HELQ: variants seen among roughly 807,000 people sequenced by gnomAD.
HELQ encodes the protein helicase POLQ-like.
A neutral mutation model predicts 111.6 loss-of-function variants in HELQ; 77 were observed. That is an observed-to-expected ratio of 0.69 (90% CI 0.57 to 0.83). The LOEUF (loss-of-function observed/expected upper bound fraction) is 0.83. Among genes scored for constraint, HELQ ranks in the 40% least tolerant of loss-of-function variants. HELQ has a pLI of 0.00. For synonymous variants in HELQ, 438 were observed against 454.7 expected, an observed-to-expected ratio of 0.96 and a Z score of 0.47; for missense variants, 1,200 against 1,288.5, an observed-to-expected ratio of 0.93 and a Z score of 1.05.
rs770278187 is a variant in HELQ at position 83,453,510 on chromosome 4, G to T, written c.733C>A (p.Gln245Lys). ...LPHNCIEQPQ[Q>K]NDESSSKVRT... ...ACTTTGGAAGAGGACTCATCATTTT[G>T]CTGGGGTTGCTCTATGCAATTATGG... Residue 245 changes from glutamine (Q) to lysine (K), a missense_variant, in exon 2 of 18, where the codon CAA becomes AAA. This residue lies in a region of HELQ where 610 missense variants were observed against 607.1 expected (regional missense o/e 1.00). Coordinates refer to ENST00000295488, the MANE Select transcript of HELQ (RefSeq NM_133636.5). 4 of 1,613,668 alleles carry T rather than the reference G, an allele frequency of 2.5e-6. No homozygotes were observed. The highest frequency in any genetic ancestry group is 4.5e-5 in the East Asian group (2 of 44,876).
chr4:83,441,885 T>A (rs1344457593), intron 6 of HELQ, among the ~76,000 whole-genome samples: 1 of 149,808 alleles, frequency 6.7e-6, no homozygotes, highest in African/African-American at 2.4e-5. Context: ...GCTATCCTCC[T>A]ACCTCAGCCT....
In HELQ at chr4:83,416,818, G is replaced by C. The variant is rs981024095; in HGVS notation, c.3111C>G (p.His1037Gln). 2.5e-6 allele frequency: 4 copies of C among 1,613,692 alleles called. No homozygotes were observed. Among genetic ancestry groups the C allele is most frequent in the Non-Finnish European group, 2.5e-6 (3 of 1,179,688 alleles). The change falls in exon 17 of 18, where the codon CAC (histidine) becomes CAG (glutamine). Residue 1037 changes from histidine (H) to glutamine (Q), a missense_variant. His to Gln is a conservative substitution (Grantham distance 24, BLOSUM62 0). Coordinates refer to ENST00000295488, the MANE Select transcript of HELQ (RefSeq NM_133636.5). ...GCACTTCAGGATTTGCATTAGCTAA[G>C]TGCATTAGACTTTTGTAACCTGCAC... The part of the protein sequence containing the change: ...LYSAGYKSLM[H>Q]LANANPEVLV...
intron 17 of HELQ, among the ~76,000 whole-genome samples, chr4:83,414,333 T>A (rs1739254756): frequency 6.6e-6 from 1 of 152,110 alleles, no homozygotes; most frequent in Non-Finnish European, 1.5e-5. Flanking sequence ...CAGCATCCAG[T>A]GGCAATGAAG....
Position 83,425,994 on chromosome 4 carries a change from C to T in HELQ, c.2775G>A (p.Lys925=). 1 of 1,550,132 alleles carries T rather than the reference C, an allele frequency of 6.5e-7. No homozygotes were observed. Among genetic ancestry groups the T allele is most frequent in the Non-Finnish European group, 8.9e-7 (1 of 1,125,946 alleles). Residue 925 remains lysine, a splice_region_variant and synonymous_variant, in exon 14 of 18, where the codon AAG becomes AAA. Transcript: ENST00000295488. ...GKKASGQAIG[K]KVDKNVVNRL... ...TAGGAAGAAAAAAAGAATGTGGTAC[C>T]TTTCCGATGGCTTGGCCTGATGCTT...
chr4:83,418,035 A>G, intron 16 of HELQ, 58 bp downstream of exon 16: 1 of 896,998 alleles, frequency 1.1e-6, no homozygotes, highest in Non-Finnish European at 1.7e-6. Flanking sequence ...AAATAATAAA[A>G]CCTGGCTTCT....
In HELQ at chr4:83,425,986, T is replaced by C. The variant is rs779843756; in HGVS notation, c.2775+8A>G. ...TTATTATTTAGGAAGAAAAAAAGAA[T>C]GTGGTACCTTTCCGATGGCTTGGCC... On this transcript the variant is annotated splice_region_variant and intron_variant, in intron 14 of 17. Transcript: ENST00000295488. 2.7e-6 allele frequency: 4 copies of C among 1,494,512 alleles called. No individual in the cohort carries two copies. The highest frequency in any genetic ancestry group is 3.7e-6 in the Non-Finnish European group (4 of 1,077,116). 92.6% of individuals were successfully genotyped at this position (1,494,512 alleles called of 1,614,324 possible).
rs1377229684 is a variant in HELQ at position 83,427,618 on chromosome 4, G to T, written c.2621C>A (p.Thr874Asn). 8.1e-6 allele frequency: 13 copies of T among 1,605,988 alleles called. No homozygotes were observed. Among genetic ancestry groups the T allele is most frequent in the Non-Finnish European group, 1.0e-5 (12 of 1,176,560 alleles). Residue 874 changes from threonine to asparagine, a missense_variant, in exon 13 of 18, where the codon ACC becomes AAC. Transcript: ENST00000295488. ...ESLLHLIYLT[T>N]PYDLVSQCNP... ...ACACTGTGAAACCAGATCATAGGGG[G>T]TTGTTAGGTAGATTAGATGAAGAAG...
Position 83,429,675 on chromosome 4 carries a change from T to TA in HELQ, c.2366dup (p.Leu789PhefsTer13). 1 of 1,613,474 alleles carries TA rather than the reference T, an allele frequency of 6.2e-7. No individual in the cohort carries two copies. The highest frequency in any genetic ancestry group is 1.3e-5 in the African/African-American group (1 of 75,010). On this transcript the variant is annotated frameshift_variant, in exon 12 of 18. Coordinates refer to ENST00000295488, the MANE Select transcript of HELQ (RefSeq NM_133636.5). LOFTEE classifies it high-confidence loss of function. The stretch of plus-strand genomic sequence containing the variant: ...TTTCCCAGAGACTTTTTTCTTTCAA[T>TA]AAAACCTTTTGCTGAACACCAAAAA...
intron 1 of HELQ, 133 bp downstream of exon 1, chr4:83,455,264 A>G (rs919496613): frequency 6.7e-7 from 1 of 1,503,538 alleles, no homozygotes; most frequent in African/African-American, 1.4e-5. Flanking sequence ...CAAGGCAATC[A>G]ATACCTCCTA....
At chr4:83,446,728 T>G in intron 4 of HELQ, 107 bp downstream of exon 4, 1 of 638,816 alleles carries the variant, frequency 1.6e-6, no homozygotes, top group East Asian at 2.8e-5. Flanking sequence ...TCAAATAAAT[T>G]TATTTTTATA....
chr4:83,420,225 A>G (rs896971347), intron 15 of HELQ, among the ~76,000 whole-genome samples: 1 of 152,258 alleles, frequency 6.6e-6, no homozygotes, highest in Admixed American at 6.5e-5. Context: ...TCACAAATGC[A>G]TATGACCAGT....
At chr4:83,436,770 A>T in intron 9 of HELQ, 88 bp downstream of exon 9, 1 of 1,341,522 alleles carries the variant, frequency 7.5e-7, no homozygotes. Flanking sequence ...ATTCTCATCC[A>T]CTACTGAGAA....
intron 2 of HELQ, among the ~76,000 whole-genome samples, chr4:83,452,687 C>G (rs532661937): frequency 6.6e-6 from 1 of 152,150 alleles, no homozygotes; most frequent in East Asian, 1.9e-4. Flanking sequence ...GTAAGGACAT[C>G]CAGAAACAAG....
chr4:83,415,803 C>T (rs1012271458), intron 17 of HELQ, among the ~76,000 whole-genome samples: 12 of 151,940 alleles, frequency 7.9e-5, no homozygotes, highest in South Asian at 4.2e-4. Flanking sequence ...TGGGCCACCA[C>T]GCCTGGCTAA....
intron 11 of HELQ, among the ~76,000 whole-genome samples, chr4:83,431,022 C>T (rs1166416440): frequency 6.6e-6 from 1 of 152,080 alleles, no homozygotes; most frequent in Non-Finnish European, 1.5e-5. Flanking sequence ...TTCTCAAATC[C>T]AGATTCTCCA....
intron 11 of HELQ, among the ~76,000 whole-genome samples, chr4:83,431,169 C>T (rs1720124118): frequency 1.3e-5 from 2 of 150,808 alleles, no homozygotes; most frequent in Admixed American, 1.3e-4. Context: ...ATAATCCTAG[C>T]ACTTTGGGAG....
chr4:83,414,236 T>C (rs1428600995), intron 17 of HELQ, among the ~76,000 whole-genome samples: 1 of 152,126 alleles, frequency 6.6e-6, no homozygotes, highest in Non-Finnish European at 1.5e-5. Flanking sequence ...CAACAGTACA[T>C]TGTAGGCAGC....
chr4:83,445,417 AC>A (rs1720999558), intron 5 of HELQ, among the ~76,000 whole-genome samples: 2 of 152,180 alleles, frequency 1.3e-5, no homozygotes, highest in East Asian at 3.8e-4. Flanking sequence ...TTAAGATTTG[AC>A]CTTTATAGTT....
intron 8 of HELQ, among the ~76,000 whole-genome samples, chr4:83,439,448 C>T (rs148978047): frequency 0.012 from 1,781 of 152,024 alleles, 51 homozygotes; most frequent in African/African-American, 0.041. Context: ...CAACCTCCGC[C>T]TCCCGGGTCC....
Sources: allele counts gnomAD v4.1 joint callset (sites outside exome capture counted in the v4.1 genomes callset), GRCh38; gene constraint gnomAD v4.1.1; regional missense constraint gnomAD v4.1.1; transcripts MANE v1.5; gene names NCBI Gene and HGNC (gene_info 2026-07-23, HGNC 2026-07-21).